The following CDH13 variants were observed in gnomAD, a reference collection of about 807,000 sequenced individuals.
The protein encoded by CDH13 is cadherin 13.
Under a neutral mutation model 63.8 loss-of-function variants are expected in CDH13, and 24 were observed. The ratio of observed to expected loss-of-function variants is 0.38; its 90% CI spans 0.27 to 0.53. CDH13 has a LOEUF of 0.53. CDH13 is among the 20% of genes least tolerant of loss of function. The pLI is 0.85. For missense variants in CDH13, 1,049 were observed against 903.1 expected (o/e 1.16, Z -2.07); for synonymous variants, 503 against 355.3 (o/e 1.42, Z -4.67).
At chr16:82,907,031 C>A (rs1222919015) in intron 2 of CDH13, among the ~76,000 whole-genome samples, 2 of 152,162 alleles carry the variant, frequency 1.3e-5, no homozygotes, top group African/African-American at 4.8e-5. Context: ...GGGGAGGCAT[C>A]ATTTAACCCA....
At chr16:82,905,586 A>T (rs907948553) in intron 2 of CDH13, among the ~76,000 whole-genome samples, 1 of 152,200 alleles carries the variant, frequency 6.6e-6, no homozygotes, top group South Asian at 2.1e-4. Context: ...TTCCTTAACC[A>T]GTACTGTCTC....
chr16:83,089,021 C>G (rs1230702381), intron 3 of CDH13, among the ~76,000 whole-genome samples: 1 of 152,106 alleles, frequency 6.6e-6, no homozygotes, highest in Non-Finnish European at 1.5e-5. Context: ...GATTACAATG[C>G]CTAAAATATT....
intron 7 of CDH13, among the ~76,000 whole-genome samples, chr16:83,515,248 A>G (rs1270756590): frequency 6.6e-6 from 1 of 152,158 alleles, no homozygotes; most frequent in African/African-American, 2.4e-5. Flanking sequence ...CTCCAAACCA[A>G]CCCTGAGCCT....
At chr16:82,766,996 T>C (rs1370247533) in intron 1 of CDH13, among the ~76,000 whole-genome samples, 2 of 152,196 alleles carry the variant, frequency 1.3e-5, no homozygotes, top group Non-Finnish European at 2.9e-5. Flanking sequence ...ACCACCTATC[T>C]TTCCTTCTGT....
chr16:83,511,381 G>C (rs2074561080), intron 7 of CDH13, among the ~76,000 whole-genome samples: 1 of 152,046 alleles, frequency 6.6e-6, no homozygotes, highest in Non-Finnish European at 1.5e-5. Context: ...AAGATTGCTT[G>C]AACCAGGGAG....
chr16:82,897,518 C>T (rs1005307357), intron 2 of CDH13, among the ~76,000 whole-genome samples: 1 of 152,362 alleles, frequency 6.6e-6, no homozygotes, highest in Non-Finnish European at 1.5e-5. Context: ...TCTAGTTTTA[C>T]AGCAACGCTG....
At chr16:83,193,007 G>C (rs2038769897) in intron 4 of CDH13, among the ~76,000 whole-genome samples, 1 of 152,120 alleles carries the variant, frequency 6.6e-6, no homozygotes, top group South Asian at 2.1e-4. Context: ...CAAAGATGGA[G>C]GCTGCCCATC....
At chr16:82,698,520 C>T (rs971300224) in intron 1 of CDH13, among the ~76,000 whole-genome samples, 6 of 152,218 alleles carry the variant, frequency 3.9e-5, no homozygotes, top group East Asian at 1.9e-4. Flanking sequence ...AGCTTGTTCA[C>T]GTATTTGAGG....
At chr16:83,167,456 C>T (rs2037727045) in intron 4 of CDH13, among the ~76,000 whole-genome samples, 1 of 144,254 alleles carries the variant, frequency 6.9e-6, no homozygotes, top group African/African-American at 2.6e-5. Flanking sequence ...GCTGAGATCA[C>T]ACCATTGCAC....
At chr16:83,209,346 G>T (rs568786140) in intron 4 of CDH13, among the ~76,000 whole-genome samples, 1 of 152,104 alleles carries the variant, frequency 6.6e-6, no homozygotes, top group African/African-American at 2.4e-5. Context: ...CCTCCAGGTC[G>T]GCCACTCCCA....
intron 11 of CDH13, among the ~76,000 whole-genome samples, chr16:83,753,665 A>G (rs1006599403): frequency 1.3e-5 from 2 of 152,206 alleles, no homozygotes; most frequent in Non-Finnish European, 1.5e-5. Context: ...GATTTTTGGC[A>G]TATAACACTA....
intron 7 of CDH13, among the ~76,000 whole-genome samples, chr16:83,585,257 C>T (rs1485287445): frequency 6.6e-6 from 1 of 152,148 alleles, no homozygotes; most frequent in Non-Finnish European, 1.5e-5. Context: ...CTTCCCAGAT[C>T]ACTCCGAATT....
At chr16:82,827,677 C>T (rs1027509065) in intron 1 of CDH13, among the ~76,000 whole-genome samples, 2 of 152,144 alleles carry the variant, frequency 1.3e-5, no homozygotes, top group African/African-American at 4.8e-5. Flanking sequence ...GACATGGAAC[C>T]TCTGGGGAGA....
intron 1 of CDH13, among the ~76,000 whole-genome samples, chr16:82,737,262 G>A (rs2033720269): frequency 6.6e-6 from 1 of 152,180 alleles, no homozygotes; most frequent in Non-Finnish European, 1.5e-5. Context: ...TCATCCAGGT[G>A]GAGACCTGAG....
intron 5 of CDH13, among the ~76,000 whole-genome samples, chr16:83,273,282 C>T (rs755842977): frequency 5.3e-5 from 8 of 152,052 alleles, no homozygotes; most frequent in African/African-American, 9.7e-5. Flanking sequence ...TTGTCATCCA[C>T]GTACTAAGCA....
chr16:82,934,256 C>G (rs2042594410), intron 2 of CDH13, among the ~76,000 whole-genome samples: 1 of 152,238 alleles, frequency 6.6e-6, no homozygotes, highest in Non-Finnish European at 1.5e-5. Context: ...CATCTGCAGG[C>G]TCAACACCAC....
At chr16:82,958,581 C>T (rs139480599) in intron 2 of CDH13, among the ~76,000 whole-genome samples, 1 of 152,174 alleles carries the variant, frequency 6.6e-6, no homozygotes, top group African/African-American at 2.4e-5. Context: ...AAACGTTAGG[C>T]ATGGTCAATT....
chr16:83,338,240 C>G (rs978779220), intron 5 of CDH13, among the ~76,000 whole-genome samples: 4 of 150,492 alleles, frequency 2.7e-5, no homozygotes, highest in Middle Eastern at 7.0e-3. Flanking sequence ...TATTGTTTAC[C>G]ACTGGGATTC....
intron 10 of CDH13, among the ~76,000 whole-genome samples, chr16:83,692,504 C>T (rs1472912399): frequency 1.3e-5 from 2 of 152,224 alleles, no homozygotes; most frequent in South Asian, 2.1e-4. Flanking sequence ...CCGTCTGTCC[C>T]GGTTTCTTTC....
Sources: allele counts gnomAD v4.1 joint callset (sites outside exome capture counted in the v4.1 genomes callset), GRCh38; gene constraint gnomAD v4.1.1; transcripts MANE v1.5; gene names NCBI Gene and HGNC (gene_info 2026-07-23, HGNC 2026-07-21).